The following ORC5 variants were observed in gnomAD, a reference collection of about 807,000 sequenced individuals.
ORC5 encodes origin recognition complex subunit 5.
A neutral mutation model predicts 58.8 loss-of-function variants in ORC5; 39 were observed. That is an observed-to-expected ratio of 0.66 (90% CI 0.51 to 0.87). The LOEUF (loss-of-function observed/expected upper bound fraction) is 0.87. Among genes scored for constraint, ORC5 ranks in the 40% least tolerant of loss-of-function variants. The pLI is 0.00. For synonymous variants in ORC5, 218 were observed against 177.6 expected, an observed-to-expected ratio of 1.23 and a Z score of -1.81; for missense variants, 493 against 506.3, an observed-to-expected ratio of 0.97 and a Z score of 0.25.
chr7:104,178,251 T>C (rs1390089412), intron 8 of ORC5, among the ~76,000 whole-genome samples: 3 of 152,252 alleles, frequency 2.0e-5, no homozygotes, highest in African/African-American at 4.8e-5. Context: ...TTTTTAACAA[T>C]AGCCATTCTA....
At chr7:104,167,382 A>G (rs1799125687) in intron 9 of ORC5, among the ~76,000 whole-genome samples, 1 of 152,240 alleles carries the variant, frequency 6.6e-6, no homozygotes. Context: ...GAAAAATCAA[A>G]GAAAACAAGC....
chr7:104,170,453 G>A (rs1266972570), intron 8 of ORC5, among the ~76,000 whole-genome samples: 1 of 152,194 alleles, frequency 6.6e-6, no homozygotes, highest in Non-Finnish European at 1.5e-5. Flanking sequence ...ACAAGTCAGA[G>A]AGAAGAGAAA....
At chr7:104,197,271 T>C (rs763022600) in intron 4 of ORC5, among the ~76,000 whole-genome samples, 1 of 152,228 alleles carries the variant, frequency 6.6e-6, no homozygotes, top group Non-Finnish European at 1.5e-5. Flanking sequence ...GAGGACTTAC[T>C]GTACTTTGTG....
chr7:104,183,914 A>C, intron 8 of ORC5, 29 bp downstream of exon 8: 1 of 1,372,868 alleles, frequency 7.3e-7, no homozygotes, highest in Non-Finnish European at 1.0e-6. Flanking sequence ...AGATATAAAA[A>C]CTAGTATGCA....
chr7:104,138,183 C>T lies in ORC5; in HGVS notation c.1150-1290G>A, dbSNP rs1187071820. ...CTGGGATTACTGGTGTGAGTCACTGCACTCAGCCCAACCAAGATTCCTAGC... is the reference window on the plus strand; with the variant it reads ...CTGGGATTACTGGTGTGAGTCACTGTACTCAGCCCAACCAAGATTCCTAGC... On this transcript the variant is annotated intron_variant, in intron 12 of 13. Coordinates refer to ENST00000297431, the MANE Select transcript of ORC5 (RefSeq NM_002553.4). This position sits in a 1 kb window ranked among gnomAD's most constrained non-coding sequence, Gnocchi z 4.7. Among the ~76,000 whole-genome samples, 4 of 152,162 alleles carry T rather than the reference C, an allele frequency of 2.6e-5. No homozygotes were observed. Among genetic ancestry groups the T allele is most frequent in the African/African-American group, 9.7e-5 (4 of 41,438 alleles).
chr7:104,174,332 G>A (rs1438807958), intron 8 of ORC5, among the ~76,000 whole-genome samples: 1 of 152,078 alleles, frequency 6.6e-6, no homozygotes, highest in Non-Finnish European at 1.5e-5. Context: ...CTAAAACACT[G>A]GTCCAAATGC....
intron 8 of ORC5, among the ~76,000 whole-genome samples, chr7:104,169,932 A>G (rs535643248): frequency 1.2e-3 from 186 of 152,252 alleles, no homozygotes; most frequent in Middle Eastern, 3.4e-3. Context: ...TTCAATGTTC[A>G]TCATCAATCC....
At chr7:104,137,156 G>C (rs1464429441) in intron 12 of ORC5, among the ~76,000 whole-genome samples, 4 of 149,710 alleles carry the variant, frequency 2.7e-5, no homozygotes, top group African/African-American at 9.9e-5. Context: ...AGGCTAGAGT[G>C]GCATGGCTTG....
At chr7:104,202,104 C>A (rs200154599) in intron 2 of ORC5, among the ~76,000 whole-genome samples, 2 of 151,406 alleles carry the variant, frequency 1.3e-5, no homozygotes, top group Non-Finnish European at 2.9e-5. Context: ...CAAAACAAAA[C>A]AAAAAAAACT....
chr7:104,130,239 C>T (rs1348654356), intron 13 of ORC5, among the ~76,000 whole-genome samples: 1 of 152,120 alleles, frequency 6.6e-6, no homozygotes, highest in Non-Finnish European at 1.5e-5. Context: ...CTGTTATCTG[C>T]CTTCTCCCAT....
At chr7:104,205,706 T>C (rs1199206103) in intron 1 of ORC5, among the ~76,000 whole-genome samples, 1 of 152,212 alleles carries the variant, frequency 6.6e-6, no homozygotes, top group Non-Finnish European at 1.5e-5. Context: ...GTAACAATCA[T>C]AAATTAACTG....
intron 6 of ORC5, among the ~76,000 whole-genome samples, chr7:104,185,803 T>C (rs1799531583): frequency 6.6e-6 from 1 of 151,928 alleles, no homozygotes; most frequent in African/African-American, 2.4e-5. Context: ...AAAAAAAATA[T>C]ATATATATTA....
rs974235536 is a variant in ORC5, at chr7:104,165,368, A to G, written c.991-86T>C. ...GTTATTTATTTAAAACATGGCACAC[A>G]TAATACTAATCTGTATATCTCAGGT... On this transcript the variant is annotated intron_variant, in intron 10 of 13. Coordinates refer to ENST00000297431, the MANE Select transcript of ORC5 (RefSeq NM_002553.4). 9.5e-6 allele frequency: 7 copies of G among 735,036 alleles called. No homozygotes were observed. The African/African-American group carries it at 1.1e-4, about 11-fold the overall frequency. 45.5% of individuals were successfully genotyped at this position (735,036 alleles called of 1,614,324 possible). A position where few individuals can be genotyped will look rare whatever the true frequency, so the allele number is the denominator to read the frequency against.
Position 104,188,269 on chromosome 7 carries a change from C to G in ORC5, c.666G>C (p.Leu222Phe). The change falls in exon 6 of 14, where the codon TTG (leucine) becomes TTC (phenylalanine). Residue 222 changes from leucine (L) to phenylalanine (F), a missense_variant. This residue lies in a region of ORC5 where 412 missense variants were observed against 403.7 expected (regional missense o/e 1.02). Coordinates refer to ENST00000297431, the MANE Select transcript of ORC5 (RefSeq NM_002553.4). Reference protein sequence around the residue: ...LGVFYTVCRDLKELRHLAVLN... With the variant: ...LGVFYTVCRDFKELRHLAVLN... ...CATTTACCAGATGTCTGAGCTCTTT[C>G]AAATCTCGACAAACAGTGTAGAAAA... 6.2e-7 allele frequency: 1 copy of G among 1,612,002 alleles called. No homozygotes were observed. Among genetic ancestry groups the G allele is most frequent in the South Asian group, 1.1e-5 (1 of 90,972 alleles).
chr7:104,136,773 C>T lies in ORC5; in HGVS notation c.1262+8G>A, dbSNP rs760280987. 1.9e-5 allele frequency: 30 copies of T among 1,553,380 alleles called. No homozygotes were observed. Among genetic ancestry groups the T allele is most frequent in the Admixed American group, 6.7e-5 (4 of 59,864 alleles). On this transcript the variant is annotated splice_region_variant and intron_variant, in intron 13 of 13. Coordinates refer to ENST00000297431, the MANE Select transcript of ORC5 (RefSeq NM_002553.4). The surrounding 1 kb of genome is among the most constrained non-coding windows in gnomAD (Gnocchi z 4.2). Reference sequence around the variant, plus strand: ...TAGTATATCATTACATAATTCAAGACATTTTACCTTGCAATAGCTCTGATG... The same window carrying T: ...TAGTATATCATTACATAATTCAAGATATTTTACCTTGCAATAGCTCTGATG...
intron 9 of ORC5, chr7:104,168,267 C>G: frequency 3.5e-6 from 4 of 1,134,398 alleles, no homozygotes; most frequent in Non-Finnish European, 3.4e-6. Context: ...AAATAGAAAG[C>G]TGGTATTCAA....
intron 12 of ORC5, among the ~76,000 whole-genome samples, chr7:104,152,301 C>A (rs968733638): frequency 6.6e-6 from 1 of 152,048 alleles, no homozygotes; most frequent in Non-Finnish European, 1.5e-5. Context: ...TCACGCACCA[C>A]CACACGCAGC....
Position 104,195,176 on chromosome 7 carries a change from G to A in ORC5, c.520C>T (p.Pro174Ser), listed in dbSNP as rs751455050. 6.3e-7 allele frequency: 1 copy of A among 1,575,252 alleles called. No individual in the cohort carries two copies. Among genetic ancestry groups the A allele is most frequent in the Non-Finnish European group, 8.6e-7 (1 of 1,165,328 alleles). ...TAATCAGGGAAATATAAGACAAACG[G>A]CTCAAAGCATCCAGTATTTGGACGA... ...KFRPNTGCFE[P>S]FVLYFPDYSI... Residue 174 changes from proline to serine, a missense_variant, in exon 5 of 14, where the codon CCG (proline) becomes TCG (serine). Around this residue, in one of 3 missense-constraint regions of ORC5, gnomAD observed 412 missense variants for 403.7 expected, o/e 1.02. Coordinates refer to ENST00000297431, the MANE Select transcript of ORC5 (RefSeq NM_002553.4).
chr7:104,192,865 T>TTA (rs1266660754), intron 5 of ORC5, among the ~76,000 whole-genome samples: 5 of 137,612 alleles, frequency 3.6e-5, no homozygotes, highest in African/African-American at 1.3e-4. Context: ...AGACACTTGT[T>TTA]AAAAAAAAAA....
Sources: allele counts gnomAD v4.1 joint callset (sites outside exome capture counted in the v4.1 genomes callset), GRCh38; gene constraint gnomAD v4.1.1; regional missense constraint gnomAD v4.1.1; non-coding constraint Gnocchi (gnomAD v3.1); transcripts MANE v1.5; gene names NCBI Gene and HGNC (gene_info 2026-07-23, HGNC 2026-07-21).